DMD: variants seen among roughly 807,000 people sequenced by gnomAD.
DMD encodes dystrophin.
A neutral mutation model predicts 330.1 loss-of-function variants in DMD; 63 were observed. The ratio of observed to expected loss-of-function variants is 0.19; its 90% CI spans 0.16 to 0.24. DMD has a LOEUF of 0.24. Ranked by LOEUF, DMD falls within the 10% of genes least tolerant of loss-of-function variation. The pLI, the probability that DMD is intolerant of heterozygous loss-of-function variation, is 1.00. For synonymous variants in DMD, 1,223 were observed against 959.8 expected, an observed-to-expected ratio of 1.27 and a Z score of -5.07; for missense variants, 3,344 against 2,684.1, an observed-to-expected ratio of 1.25 and a Z score of -5.43.
At chrX:32,500,210 T>C (rs2043911777) in intron 19 of DMD, among the ~76,000 whole-genome samples, 1 of 111,186 alleles carries the variant, frequency 9.0e-6, no homozygotes, top group African/African-American at 3.3e-5. Context: ...ACACCAAAAT[T>C]ACCAACGTTA....
Position 32,655,670 on chromosome X carries a change from C to T in DMD, c.961-10518G>A, listed in dbSNP as rs745432915. On this transcript the variant is annotated intron_variant, in intron 9 of 78. Coordinates refer to ENST00000357033, the MANE Select transcript of DMD (RefSeq NM_004006.3). ...TCTATGAGGTCCGCTTGTTGCAGAG[C>T]TGAGTTCAATTCTTGGATATCCTTG... Among the ~76,000 whole-genome samples, 15 of 111,793 alleles carry T rather than the reference C, an allele frequency of 1.3e-4. No homozygotes were observed. The East Asian group carries it at 4.0e-3, about 30-fold the overall frequency.
intron 44 of DMD, among the ~76,000 whole-genome samples, chrX:32,204,625 T>C (rs1762375977): frequency 9.0e-6 from 1 of 111,031 alleles, no homozygotes; most frequent in South Asian, 3.8e-4. Flanking sequence ...CTTCTTGCAT[T>C]GCTATAAAGA....
At chrX:32,624,265 C>T (rs12557778) in intron 11 of DMD, among the ~76,000 whole-genome samples, 5,057 of 110,877 alleles carry the variant, frequency 0.046, 139 homozygotes, top group African/African-American at 0.1. Context: ...AATAGAGAGC[C>T]GAGGGAGTGG....
At chrX:31,603,251 ATTG>A (rs2077454797) in intron 55 of DMD, among the ~76,000 whole-genome samples, 1 of 111,125 alleles carries the variant, frequency 9.0e-6, no homozygotes, top group Non-Finnish European at 1.9e-5. Flanking sequence ...ATAAATCAAT[ATTG>A]TTGTTATTAG....
At chrX:31,284,626 G>T (rs1014014572) in intron 62 of DMD, among the ~76,000 whole-genome samples, 63 of 48,170 alleles carry the variant, frequency 1.3e-3, no homozygotes, top group Non-Finnish European at 1.6e-3. Flanking sequence ...CAGAGGTGGG[G>T]TGTCTCGCTA....
chrX:31,804,082 A>G (rs1362242357), intron 50 of DMD, among the ~76,000 whole-genome samples: 2 of 111,042 alleles, frequency 1.8e-5, no homozygotes, highest in African/African-American at 6.6e-5. Flanking sequence ...TTGTTTTATC[A>G]TAACGCTGGT....
intron 44 of DMD, among the ~76,000 whole-genome samples, chrX:32,027,183 C>CACACACAGAGAGAG (rs774715155): frequency 3.1e-5 from 3 of 97,501 alleles, no homozygotes; most frequent in African/African-American, 1.2e-4. Context: ...CACACACACA[C>CACACACAGAGAGAG]AGAGAGAGAG....
intron 38 of DMD, among the ~76,000 whole-genome samples, chrX:32,346,640 A>G (rs2097764819): frequency 9.0e-6 from 1 of 111,591 alleles, no homozygotes; most frequent in Non-Finnish European, 1.9e-5. Flanking sequence ...GATATTAATA[A>G]AAATCATGTG....
intron 11 of DMD, among the ~76,000 whole-genome samples, chrX:32,625,107 G>A (rs778897419): frequency 1.8e-5 from 2 of 111,813 alleles, no homozygotes; most frequent in African/African-American, 6.5e-5. Context: ...GGAGGCGGAG[G>A]TTGCAGTGAG....
intron 4 of DMD, among the ~76,000 whole-genome samples, chrX:32,832,351 T>C (rs1409526316): frequency 9.0e-6 from 1 of 111,724 alleles, no homozygotes; most frequent in East Asian, 2.8e-4. Flanking sequence ...ATCCCATGCA[T>C]TGAAAATTAT....
chrX:32,646,331 G>A (rs1398250955), intron 9 of DMD, among the ~76,000 whole-genome samples: 1 of 111,102 alleles, frequency 9.0e-6, no homozygotes, highest in Non-Finnish European at 1.9e-5. Flanking sequence ...CTTGCAGGTC[G>A]CCGGGCTTCA....
At chrX:32,390,271 A>T (rs886913853) in intron 30 of DMD, 90 bp from the exon 31 acceptor site, 5 of 660,585 alleles carry the variant, frequency 7.6e-6, no homozygotes, top group Non-Finnish European at 1.2e-5. Context: ...CTCCTCAACC[A>T]CCTCTACCAT....
In DMD at chrX:32,411,916, A is replaced by G. The variant is rs751657094; in HGVS notation, c.4072-3T>C. 2.7e-5 allele frequency: 33 copies of G among 1,207,795 alleles called. No homozygotes were observed. The African/African-American group carries it at 5.3e-4, about 19-fold the overall frequency. ...AGCAACTTTTGCCTCCTTACAGCCT[A>G]AAAAGAAGGAATAAGAGTGTATCAG... On this transcript the variant is annotated splice_polypyrimidine_tract_variant and splice_region_variant and intron_variant, in intron 29 of 78. Transcript: ENST00000357033.
chrX:31,927,294 A>G (rs1216582614), intron 47 of DMD, among the ~76,000 whole-genome samples: 1 of 112,296 alleles, frequency 8.9e-6, no homozygotes, highest in African/African-American at 3.2e-5. Flanking sequence ...TCGTAACCTC[A>G]GTTTTAATTT....
At chrX:32,578,198 GA>G (rs751315941) in intron 13 of DMD, among the ~76,000 whole-genome samples, 3,290 of 106,420 alleles carry the variant, frequency 0.031, 50 homozygotes, top group Non-Finnish European at 0.045. Context: ...CTTCTCTAGA[GA>G]AAAAAAAAAT....
chrX:32,047,463 GTAAA>G (rs1272846270), intron 44 of DMD, among the ~76,000 whole-genome samples: 1 of 111,738 alleles, frequency 8.9e-6, no homozygotes, highest in Non-Finnish European at 1.9e-5. Context: ...ACACAGGTGT[GTAAA>G]TATTAAAACA....
intron 44 of DMD, among the ~76,000 whole-genome samples, chrX:32,024,040 A>T (rs2095826973): frequency 9.0e-6 from 1 of 111,694 alleles, no homozygotes; most frequent in East Asian, 2.8e-4. Context: ...ATCATCATGC[A>T]CTATATCCAG....
Position 31,451,378 on chromosome X carries a change from G to A in DMD, c.8938-6751C>T, listed in dbSNP as rs112168466. Among the ~76,000 whole-genome samples the A allele has an allele frequency of 7.6e-3, 781 of 102,999 alleles. 8 individuals carry two copies. Among genetic ancestry groups the A allele is most frequent in the African/African-American group, 0.027 (741 of 27,921 alleles). 89.4% of individuals were successfully genotyped at this position (102,999 alleles called of 115,157 possible). A position where few individuals can be genotyped will look rare whatever the true frequency, so the allele number is the denominator to read the frequency against. On this transcript the variant is annotated intron_variant, in intron 59 of 78. Coordinates refer to ENST00000357033, the MANE Select transcript of DMD (RefSeq NM_004006.3). The stretch of plus-strand genomic sequence containing the variant: ...GCTCACTGCAACTTCTACCTCCTGG[G>A]TTCAAGTGATTCTCCTGCCTCAGCC...
intron 44 of DMD, among the ~76,000 whole-genome samples, chrX:31,986,384 G>A (rs1194267487): frequency 1.8e-5 from 2 of 110,932 alleles, no homozygotes; most frequent in Non-Finnish European, 3.8e-5. Flanking sequence ...CAACCTATGG[G>A]AGAAAGACTA....
Sources: allele counts gnomAD v4.1 joint callset (sites outside exome capture counted in the v4.1 genomes callset), GRCh38; gene constraint gnomAD v4.1.1; transcripts MANE v1.5; gene names NCBI Gene and HGNC (gene_info 2026-07-23, HGNC 2026-07-21).